KYAT1: variants seen among roughly 807,000 people sequenced by gnomAD.
The protein encoded by KYAT1 is kynurenine aminotransferase 1.
A neutral mutation model predicts 52.4 loss-of-function variants in KYAT1; 47 were observed. The observed-to-expected ratio is 0.90, with a 90% confidence interval of 0.71 to 1.14. The LOEUF is 1.14. Among genes scored for constraint, KYAT1 ranks in the 50% most tolerant of loss-of-function variants. The pLI is 0.00. For missense variants in KYAT1, 480 were observed against 557.9 expected, an observed-to-expected ratio of 0.86 and a Z score of 1.41; for synonymous variants, 212 against 209.6, an observed-to-expected ratio of 1.01 and a Z score of -0.10.
At chr9:128,862,719 G>T (rs1205055247) in intron 1 of KYAT1, among the ~76,000 whole-genome samples, 1 of 152,210 alleles carries the variant, frequency 6.6e-6, no homozygotes, top group African/African-American at 2.4e-5. Flanking sequence ...TGCAGCCTTG[G>T]GGGTGGGGCT....
At chr9:128,854,203 T>C (rs1834311409) in intron 1 of KYAT1, among the ~76,000 whole-genome samples, 1 of 152,082 alleles carries the variant, frequency 6.6e-6, no homozygotes, top group Admixed American at 6.6e-5. Flanking sequence ...AAAGCTCAAT[T>C]GGTTAAACAA....
At chr9:128,878,782 C>A (rs1354377698) in intron 1 of KYAT1, among the ~76,000 whole-genome samples, 1 of 152,140 alleles carries the variant, frequency 6.6e-6, no homozygotes, top group African/African-American at 2.4e-5. Context: ...ACCACTTATT[C>A]CTCCTGGCAC....
At chr9:128,834,480 A>C (rs1035630435) in intron 11 of KYAT1, among the ~76,000 whole-genome samples, 1 of 152,054 alleles carries the variant, frequency 6.6e-6, no homozygotes, top group African/African-American at 2.4e-5. Flanking sequence ...GGAGATCCAA[A>C]GAGGCAGGAA....
At chr9:128,866,456 G>A (rs887115287) in intron 1 of KYAT1, among the ~76,000 whole-genome samples, 6 of 149,374 alleles carry the variant, frequency 4.0e-5, no homozygotes, top group African/African-American at 9.9e-5. Context: ...AAAATTAGCC[G>A]GGTGTGGTGG....
chr9:128,865,338 TA>T (rs1564491655), intron 1 of KYAT1, among the ~76,000 whole-genome samples: 24 of 2,170 alleles, frequency 0.011, 4 homozygotes, highest in African/African-American at 0.015. Flanking sequence ...TATATATATA[TA>T]TATATATATA....
chr9:128,846,932 CTAGAG>C, intron 1 of KYAT1: 1 of 1,268,352 alleles, frequency 7.9e-7, no homozygotes, highest in Non-Finnish European at 1.1e-6. Context: ...TGCACTCTCA[CTAGAG>C]GTGCCACAAT....
chr9:128,860,323 C>T (rs1274457825), intron 1 of KYAT1: 1 of 152,266 alleles, frequency 6.6e-6, no homozygotes, highest in African/African-American at 2.4e-5. Flanking sequence ...CTAGGTATTC[C>T]TTACTCCAGT....
At chr9:128,837,471 C>CTCCCAGCCCAGTTCACTG (rs1440993926) in intron 6 of KYAT1, among the ~76,000 whole-genome samples, 2 of 152,196 alleles carry the variant, frequency 1.3e-5, no homozygotes, top group African/African-American at 4.8e-5. Context: ...GTGATGGTGG[C>CTCCCAGCCCAGTTCACTG]TCCCAGCCCA....
rs1011927327 is a variant in KYAT1 at position 128,875,697 on chromosome 9, C to T, written c.-7+6200G>A. Among the ~76,000 whole-genome samples, 4 of 152,242 alleles carry T rather than the reference C, an allele frequency of 2.6e-5. No individual in the cohort carries two copies. The South Asian group carries it at 8.3e-4, about 32-fold the overall frequency. On this transcript the variant is annotated intron_variant, in intron 1 of 12. Coordinates refer to ENST00000302586, the MANE Select transcript of KYAT1 (RefSeq NM_004059.5). ...AGGTGATCTGGCAGCACCGAGGAGG[C>T]CCAGCACCACTAGGCATGGGGACCA...
intron 1 of KYAT1, among the ~76,000 whole-genome samples, chr9:128,858,557 G>T (rs1162776623): frequency 6.6e-6 from 1 of 151,448 alleles, no homozygotes; most frequent in African/African-American, 2.4e-5. Flanking sequence ...AATTAGCCAG[G>T]CGTGATGGCA....
At chr9:128,877,488 A>C (rs924287345) in intron 1 of KYAT1, among the ~76,000 whole-genome samples, 8 of 152,210 alleles carry the variant, frequency 5.3e-5, no homozygotes, top group African/African-American at 1.9e-4. Context: ...CAGCCTAGAG[A>C]GCTCCAGCTG....
rs1462353891 is a variant in KYAT1 at position 128,838,475 on chromosome 9, G to A, written c.202-108C>T. ...TTCCAGCAGCAGGCCTGGGGGCAAA[G>A]TCAGGTACTGGTAGCCTGGGCCCCA... On this transcript the variant is annotated intron_variant, in intron 3 of 12. Transcript: ENST00000302586. 5 of 1,308,956 alleles carry A rather than the reference G, an allele frequency of 3.8e-6. No homozygotes were observed. In the East Asian group the frequency reaches 1.2e-4, roughly 32 times the overall value. The allele number at this position is 1,308,956 out of a possible 1,614,324, so 81.1% of individuals were successfully genotyped here.
intron 1 of KYAT1, among the ~76,000 whole-genome samples, chr9:128,879,014 A>G (rs1407316972): frequency 6.6e-6 from 1 of 152,154 alleles, no homozygotes; most frequent in African/African-American, 2.4e-5. Context: ...GAGCATTTTA[A>G]AAATTATGCC....
chr9:128,857,179 CAT>C (rs757233809), intron 1 of KYAT1, among the ~76,000 whole-genome samples: 158 of 152,326 alleles, frequency 1.0e-3, no homozygotes, highest in Non-Finnish European at 1.5e-3. Flanking sequence ...TTAATTATGA[CAT>C]AGATTCTTTT....
At chr9:128,844,499 T>C (rs1832757721) in intron 2 of KYAT1, among the ~76,000 whole-genome samples, 1 of 147,872 alleles carries the variant, frequency 6.8e-6, no homozygotes, top group Admixed American at 6.8e-5. Context: ...GCAAACATGG[T>C]GAAATCTCAT....
At chr9:128,836,191 CTAAGT>C (rs1831064110) in intron 7 of KYAT1, 118 bp from the exon 8 acceptor site, 1 of 738,868 alleles carries the variant, frequency 1.4e-6, no homozygotes, top group Non-Finnish European at 2.2e-6. Flanking sequence ...CCTCTACATA[CTAAGT>C]TATTTGCACA....
chr9:128,847,651 T>TAGC (rs36121876), intron 1 of KYAT1: 4 of 554,462 alleles, frequency 7.2e-6, no homozygotes, highest in Non-Finnish European at 1.3e-5. Flanking sequence ...GCTCTAACAA[T>TAGC]AACAACAACA....
chr9:128,862,839 CAG>C (rs1835647434), intron 1 of KYAT1, among the ~76,000 whole-genome samples: 1 of 152,118 alleles, frequency 6.6e-6, no homozygotes, highest in Non-Finnish European at 1.5e-5. Context: ...TTTTTTGACA[CAG>C]AGTCTCGCCC....
At chr9:128,849,795 CAA>C (rs763466379) in intron 1 of KYAT1, among the ~76,000 whole-genome samples, 2 of 66,992 alleles carry the variant, frequency 3.0e-5, no homozygotes, top group Non-Finnish European at 6.1e-5. Flanking sequence ...GACTCTGTCT[CAA>C]AAAAAAAAAA....
Sources: allele counts gnomAD v4.1 joint callset (sites outside exome capture counted in the v4.1 genomes callset), GRCh38; gene constraint gnomAD v4.1.1; transcripts MANE v1.5; gene names NCBI Gene and HGNC (gene_info 2026-07-23, HGNC 2026-07-21).